ATRNL1: variants seen among roughly 807,000 people sequenced by gnomAD.
The protein encoded by ATRNL1 is attractin like 1.
A neutral mutation model predicts 182.7 loss-of-function variants in ATRNL1; 95 were observed. The ratio of observed to expected loss-of-function variants is 0.52; its 90% confidence interval spans 0.44 to 0.62. The LOEUF (loss-of-function observed/expected upper bound fraction) is 0.62. ATRNL1 is among the 20% of genes least tolerant of loss of function. ATRNL1 has a pLI of 0.00. For missense variants in ATRNL1, 1,471 were observed against 1,679.5 expected (o/e 0.88, Z 2.17); for synonymous variants, 576 against 568.3 (o/e 1.01, Z -0.19).
At chr10:115,929,377 G>GA (rs1953329210) in intron 28 of ATRNL1, among the ~76,000 whole-genome samples, 1 of 152,018 alleles carries the variant, frequency 6.6e-6, no homozygotes, top group Non-Finnish European at 1.5e-5. Flanking sequence ...CTGAAAAAGA[G>GA]AAAACTAAAG....
intron 28 of ATRNL1, among the ~76,000 whole-genome samples, chr10:115,906,984 T>A (rs1284852273): frequency 6.6e-6 from 1 of 152,136 alleles, no homozygotes; most frequent in Non-Finnish European, 1.5e-5. Context: ...GTCAACTCAG[T>A]GCTGAAAGAG....
chr10:115,355,036 A>C (rs1220916018), intron 19 of ATRNL1, among the ~76,000 whole-genome samples: 17 of 151,848 alleles, frequency 1.1e-4, no homozygotes, highest in Admixed American at 1.1e-3. Context: ...GTCTTTGTTA[A>C]ATTTCTCTGT....
intron 17 of ATRNL1, among the ~76,000 whole-genome samples, chr10:115,306,962 T>C (rs1853765246): frequency 6.6e-6 from 1 of 152,132 alleles, no homozygotes; most frequent in Admixed American, 6.6e-5. Flanking sequence ...TAATGATAAC[T>C]AAATACCGCT....
chr10:115,430,198 T>C (rs1554963698), intron 21 of ATRNL1, among the ~76,000 whole-genome samples: 1 of 152,166 alleles, frequency 6.6e-6, no homozygotes, highest in African/African-American at 2.4e-5. Context: ...AAATAAAAAT[T>C]AGGTATTTCA....
intron 27 of ATRNL1, among the ~76,000 whole-genome samples, chr10:115,840,459 G>A (rs1185636475): frequency 6.6e-6 from 1 of 152,124 alleles, no homozygotes; most frequent in Non-Finnish European, 1.5e-5. Context: ...TACTTACTGT[G>A]TGCTATACTT....
At chr10:115,597,768 C>T (rs1253229828) in intron 26 of ATRNL1, 2 of 403,868 alleles carry the variant, frequency 5.0e-6, no homozygotes, top group African/African-American at 4.2e-5. Flanking sequence ...GACTGGACCT[C>T]AGGCGATCTG....
At chr10:115,777,786 T>C (rs1430336340) in intron 27 of ATRNL1, among the ~76,000 whole-genome samples, 3 of 151,842 alleles carry the variant, frequency 2.0e-5, no homozygotes, top group Non-Finnish European at 4.4e-5. Flanking sequence ...ATGCAACCCT[T>C]GGGGAAAAAA....
At chr10:115,220,826 C>T (rs1239275265) in intron 9 of ATRNL1, among the ~76,000 whole-genome samples, 1 of 149,914 alleles carries the variant, frequency 6.7e-6, no homozygotes, top group African/African-American at 2.4e-5. Context: ...AATTGAAGTA[C>T]ATCATCTCAC....
chr10:115,095,814 A>G (rs1013364619), intron 1 of ATRNL1, among the ~76,000 whole-genome samples: 5 of 152,174 alleles, frequency 3.3e-5, no homozygotes, highest in African/African-American at 1.2e-4. Context: ...AAAAAGCCTC[A>G]TCCATTTTTT....
chr10:115,875,831 T>C (rs1395339385), intron 28 of ATRNL1, among the ~76,000 whole-genome samples: 1 of 152,124 alleles, frequency 6.6e-6, no homozygotes, highest in Non-Finnish European at 1.5e-5. Flanking sequence ...AAGGGAAATA[T>C]AGAGTGGCAT....
chr10:115,573,266 CCTAGTGG>C (rs1469819309), intron 26 of ATRNL1, among the ~76,000 whole-genome samples: 18 of 152,058 alleles, frequency 1.2e-4, no homozygotes, highest in African/African-American at 4.1e-4. Flanking sequence ...AGTTGGGCCA[CCTAGTGG>C]CCGGACTCTT....
intron 27 of ATRNL1, among the ~76,000 whole-genome samples, chr10:115,803,988 C>G (rs1189897198): frequency 1.3e-5 from 2 of 152,072 alleles, no homozygotes; most frequent in Admixed American, 1.3e-4. Flanking sequence ...TGACTCATAC[C>G]ACTGACATTT....
intron 26 of ATRNL1, among the ~76,000 whole-genome samples, chr10:115,585,502 A>G (rs1855458468): frequency 1.6e-5 from 2 of 121,678 alleles, no homozygotes; most frequent in African/African-American, 6.6e-5. Context: ...ACCATTATGT[A>G]ATGGCCTTCT....
At chr10:115,324,717 A>G (rs1241651524) in intron 18 of ATRNL1, among the ~76,000 whole-genome samples, 4 of 152,126 alleles carry the variant, frequency 2.6e-5, no homozygotes, top group Non-Finnish European at 5.9e-5. Flanking sequence ...TACCTTTTTC[A>G]TAGATAGTGT....
rs1209457917 is a variant in ATRNL1 at position 115,549,362 on chromosome 10, TTATATA to T, written c.3717-90_3717-85del. The T allele has an allele frequency of 1.2e-5, 8 of 673,006 alleles. No individual in the cohort carries two copies. The East Asian group carries it at 1.3e-4, about 11-fold the overall frequency. 41.7% of individuals were successfully genotyped at this position (673,006 alleles called of 1,614,324 possible). On this transcript the variant is annotated intron_variant, in intron 25 of 28. Coordinates refer to ENST00000355044, the MANE Select transcript of ATRNL1 (RefSeq NM_207303.4). ...TTGTTTACCTAGACAAAGTTATTAC[TTATATA>T]TATATGTATTTGAGTCTTTCATGTA...
intron 27 of ATRNL1, among the ~76,000 whole-genome samples, chr10:115,763,160 A>C (rs1948773761): frequency 1.3e-5 from 2 of 152,194 alleles, no homozygotes; most frequent in South Asian, 4.1e-4. Flanking sequence ...GTTAAGATTC[A>C]TCCATGAATT....
chr10:115,872,366 G>A (rs1951604791), intron 28 of ATRNL1, among the ~76,000 whole-genome samples: 1 of 152,148 alleles, frequency 6.6e-6, no homozygotes, highest in Non-Finnish European at 1.5e-5. Flanking sequence ...TCAGAAGTGG[G>A]TACTGTCCAA....
At chr10:115,763,956 T>C (rs901692605) in intron 27 of ATRNL1, among the ~76,000 whole-genome samples, 7 of 152,204 alleles carry the variant, frequency 4.6e-5, no homozygotes, top group Non-Finnish European at 8.8e-5. Context: ...GCCATTCTTC[T>C]ATCTCAATTT....
At chr10:115,564,387 A>G (rs1853946077) in intron 26 of ATRNL1, among the ~76,000 whole-genome samples, 1 of 151,938 alleles carries the variant, frequency 6.6e-6, no homozygotes, top group Admixed American at 6.6e-5. Context: ...CAGCCCATTC[A>G]AACTCATTTT....
Sources: gnomAD v4.1 joint callset for allele counts (sites outside exome capture counted in the v4.1 genomes callset) on GRCh38, gnomAD v4.1.1 for gene constraint, MANE v1.5 for transcripts, NCBI Gene and HGNC (gene_info 2026-07-23, HGNC 2026-07-21) for gene names.